CEP128: variants seen among roughly 807,000 people sequenced by gnomAD.
The protein encoded by CEP128 is centrosomal protein 128.
In CEP128, 132 loss-of-function variants were observed where a neutral mutation model predicts 156.7. That is an observed-to-expected ratio of 0.84 (90% CI 0.73 to 0.97). CEP128 has a LOEUF of 0.97. CEP128 is among the 50% of genes least tolerant of loss of function. The pLI, the probability that CEP128 is intolerant of heterozygous loss-of-function variation, is 0.00. For synonymous variants in CEP128, 469 were observed against 448.9 expected, an observed-to-expected ratio of 1.04 and a Z score of -0.57; for missense variants, 1,252 against 1,281.9, an observed-to-expected ratio of 0.98 and a Z score of 0.36.
chr14:80,805,037 C>T (rs140446627), intron 13 of CEP128, among the ~76,000 whole-genome samples: 2,040 of 151,984 alleles, frequency 0.013, 26 homozygotes, highest in Non-Finnish European at 0.021. Context: ...TAGCAATCAG[C>T]CCCCATTGCC....
chr14:80,699,408 A>G (rs1330189029), intron 19 of CEP128, among the ~76,000 whole-genome samples: 2 of 152,218 alleles, frequency 1.3e-5, no homozygotes, highest in Non-Finnish European at 2.9e-5. Flanking sequence ...ACCATTGCTT[A>G]ATGTCCTTAC....
At chr14:80,896,193 C>G (rs958275359) in intron 7 of CEP128, among the ~76,000 whole-genome samples, 16 of 152,178 alleles carry the variant, frequency 1.1e-4, no homozygotes, top group Non-Finnish European at 2.9e-5. Flanking sequence ...AACTCTTGAT[C>G]TTACACCCTC....
intron 21 of CEP128, among the ~76,000 whole-genome samples, chr14:80,539,045 T>C (rs1176248842): frequency 6.6e-6 from 1 of 152,188 alleles, no homozygotes; most frequent in African/African-American, 2.4e-5. Flanking sequence ...CGTAAACAAA[T>C]GAATGAATAC....
intron 19 of CEP128, among the ~76,000 whole-genome samples, chr14:80,632,823 T>G (rs944787382): frequency 2.0e-5 from 3 of 152,130 alleles, no homozygotes; most frequent in Non-Finnish European, 4.4e-5. Flanking sequence ...ATACATTCAA[T>G]TTTTTAAAAT....
intron 19 of CEP128, among the ~76,000 whole-genome samples, chr14:80,716,034 A>G (rs376957718): frequency 2.6e-5 from 4 of 152,360 alleles, no homozygotes; most frequent in South Asian, 4.1e-4. Context: ...GGAGACAGAG[A>G]GACCAGCAGC....
chr14:80,617,585 C>G (rs1480443932), intron 19 of CEP128, among the ~76,000 whole-genome samples: 1 of 151,838 alleles, frequency 6.6e-6, no homozygotes, highest in African/African-American at 2.4e-5. Context: ...CTGGTAATAA[C>G]TACTCACAAG....
chr14:80,955,598 T>A, intron 2 of CEP128: 1 of 1,546,764 alleles, frequency 6.5e-7, no homozygotes, highest in Non-Finnish European at 8.9e-7. Flanking sequence ...CCGGGTCTCC[T>A]TTGGCCTGGG....
chr14:80,835,107 A>C (rs1234237968), intron 12 of CEP128, among the ~76,000 whole-genome samples: 1 of 152,120 alleles, frequency 6.6e-6, no homozygotes, highest in African/African-American at 2.4e-5. Context: ...TCAGAACGCC[A>C]GGACATCCCT....
At chr14:80,874,285 G>A (rs1043312577) in intron 8 of CEP128, among the ~76,000 whole-genome samples, 13 of 152,068 alleles carry the variant, frequency 8.5e-5, no homozygotes, top group South Asian at 2.1e-4. Flanking sequence ...CCAACATCGC[G>A]AAACCCTGTC....
intron 21 of CEP128, among the ~76,000 whole-genome samples, chr14:80,545,244 G>GAGT (rs1363588535): frequency 6.6e-6 from 1 of 152,168 alleles, no homozygotes; most frequent in Non-Finnish European, 1.5e-5. Flanking sequence ...CCATTGCATG[G>GAGT]AGTAGTTGGT....
At chr14:80,830,154 T>C (rs115213466) in intron 13 of CEP128, 5 of 512,558 alleles carry the variant, frequency 9.8e-6, no homozygotes, top group African/African-American at 7.8e-5. Context: ...ATAATTACCA[T>C]TGCTCTGAGA....
At chr14:80,869,321 T>C (rs1887918665) in intron 8 of CEP128, among the ~76,000 whole-genome samples, 1 of 152,136 alleles carries the variant, frequency 6.6e-6, no homozygotes, top group African/African-American at 2.4e-5. Flanking sequence ...TTCACTAATA[T>C]GTGGAAATTA....
At chr14:80,623,634 T>C (rs1893586636) in intron 19 of CEP128, among the ~76,000 whole-genome samples, 1 of 151,468 alleles carries the variant, frequency 6.6e-6, no homozygotes, top group African/African-American at 2.4e-5. Context: ...AAAAAGGAAA[T>C]AGGTCCAATT....
At chr14:80,722,227 A>G (rs975984766) in intron 19 of CEP128, among the ~76,000 whole-genome samples, 1 of 152,152 alleles carries the variant, frequency 6.6e-6, no homozygotes, top group African/African-American at 2.4e-5. Flanking sequence ...GTTCAGTTCA[A>G]ATTATTCATA....
intron 24 of CEP128, among the ~76,000 whole-genome samples, chr14:80,503,295 AGC>A: frequency 6.6e-6 from 1 of 152,276 alleles, no homozygotes; most frequent in South Asian, 2.1e-4. Context: ...TTTCCTTTTC[AGC>A]CAGTGTATAT....
Position 80,900,364 on chromosome 14 carries a change from T to C in CEP128, c.481-335A>G, listed in dbSNP as rs538002305. 6.6e-5 allele frequency among the ~76,000 whole-genome samples: 10 copies of C among 152,320 alleles called. No individual in the cohort carries two copies. In the East Asian group the frequency reaches 1.9e-3, roughly 29 times the overall value. On this transcript the variant is annotated intron_variant, in intron 6 of 24. Transcript: ENST00000555265. The stretch of plus-strand genomic sequence containing the variant: ...AAGAAGGAGAAAACCGGTCTGCCAA[T>C]TTTTCTGTAAAGGGCCCAATAGCGA...
At chr14:80,758,480 C>T (rs1666927525) in intron 17 of CEP128, among the ~76,000 whole-genome samples, 1 of 150,732 alleles carries the variant, frequency 6.6e-6, no homozygotes, top group African/African-American at 2.4e-5. Flanking sequence ...AGAGATCGTG[C>T]CATTGCACTC....
chr14:80,477,730 G>A (rs1322875741), exon 15 of CEP128: 2 of 152,188 alleles, frequency 1.3e-5, no homozygotes, highest in African/African-American at 4.8e-5. Context: ...GTAGGTTGTA[G>A]TCTGTTTTTC....
intron 13 of CEP128, among the ~76,000 whole-genome samples, chr14:80,826,498 G>T (rs1885489207): frequency 6.6e-6 from 1 of 151,966 alleles, no homozygotes; most frequent in East Asian, 1.9e-4. Context: ...TATTAAAGCG[G>T]GCATACAGTA....
Sources: allele counts gnomAD v4.1 joint callset (sites outside exome capture counted in the v4.1 genomes callset), GRCh38; gene constraint gnomAD v4.1.1; transcripts MANE v1.5; gene names NCBI Gene and HGNC (gene_info 2026-07-23, HGNC 2026-07-21).